Variants in HSD17B12 observed in about 807,000 individuals in gnomAD.
HSD17B12 encodes hydroxysteroid 17-beta dehydrogenase 12.
In HSD17B12, 32 loss-of-function variants were observed where a neutral mutation model predicts 39.3. The observed-to-expected ratio is 0.81, with a 90% CI of 0.61 to 1.09. The LOEUF (loss-of-function observed/expected upper bound fraction) is 1.09. HSD17B12 is among the 50% of genes least tolerant of loss of function. The pLI, the probability that HSD17B12 is intolerant of heterozygous loss-of-function variation, is 0.00. For synonymous variants in HSD17B12, 150 were observed against 146.7 expected, an observed-to-expected ratio of 1.02 and a Z score of -0.16; for missense variants, 342 against 382.9, an observed-to-expected ratio of 0.89 and a Z score of 0.89.
chr11:43,842,498 C>T (rs1016679053), intron 9 of HSD17B12, among the ~76,000 whole-genome samples: 2 of 152,174 alleles, frequency 1.3e-5, no homozygotes, highest in Admixed American at 6.5e-5. Context: ...TTCTAGAATC[C>T]TGGATTTTAT....
At chr11:43,615,873 G>A in the HSD17B12 span, among the ~76,000 whole-genome samples, 154 of 152,310 alleles carry the variant, frequency 1.0e-3, no homozygotes, top group Non-Finnish European at 1.9e-3. Context: ...CTGAAAAGGG[G>A]TGTGAAGTTA....
chr11:43,714,206 T>G (rs1169951095), intron 1 of HSD17B12, among the ~76,000 whole-genome samples: 1 of 152,244 alleles, frequency 6.6e-6, no homozygotes, highest in Admixed American at 6.5e-5. Flanking sequence ...CCCATGCCTA[T>G]GTCCTGAATG....
chr11:43,699,289 G>C (rs1949940986), intron 1 of HSD17B12, among the ~76,000 whole-genome samples: 1 of 152,052 alleles, frequency 6.6e-6, no homozygotes, highest in Non-Finnish European at 1.5e-5. Context: ...GATATTTAGA[G>C]TTCTTTTTCT....
At chr11:43,854,287 A>G (rs551531214) in intron 9 of HSD17B12, 1 of 155,386 alleles carries the variant, frequency 6.4e-6, no homozygotes, top group Admixed American at 6.4e-5. Flanking sequence ...AAGCTTAATT[A>G]GCCATAAATT....
intron 1 of HSD17B12, among the ~76,000 whole-genome samples, chr11:43,746,623 A>G (rs1209936041): frequency 6.6e-6 from 1 of 152,230 alleles, no homozygotes; most frequent in Non-Finnish European, 1.5e-5. Flanking sequence ...AAGCAGAAGG[A>G]GTATACTCTA....
rs922457434 is a variant in HSD17B12 at position 43,826,568 on chromosome 11, G to T, written c.502-4408G>T. ...TTGAATGATATAGGATTGAATTTAA[G>T]GTTAAGTAATATGGAGCTGGGAAAA... is the stretch of plus-strand genomic sequence containing the variant. On this transcript the variant is annotated intron_variant, in intron 6 of 10. Transcript: ENST00000278353. 4.6e-5 allele frequency among the ~76,000 whole-genome samples: 7 copies of T among 152,158 alleles called. No individual in the cohort carries two copies. The East Asian group carries it at 1.3e-3, about 29-fold the overall frequency.
At chr11:43,661,439 G>A in the HSD17B12 span, among the ~76,000 whole-genome samples, 1 of 152,158 alleles carries the variant, frequency 6.6e-6, no homozygotes, top group African/African-American at 2.4e-5. Context: ...GACTAAGAAA[G>A]TCCTTGATAA....
At chr11:43,598,340 A>T in the HSD17B12 span, among the ~76,000 whole-genome samples, 1 of 151,884 alleles carries the variant, frequency 6.6e-6, no homozygotes, top group East Asian at 1.9e-4. Flanking sequence ...CTCTCTGAAA[A>T]GAGCTGATTT....
chr11:43,718,473 A>T (rs1950146196), intron 1 of HSD17B12, among the ~76,000 whole-genome samples: 1 of 152,188 alleles, frequency 6.6e-6, no homozygotes, highest in Non-Finnish European at 1.5e-5. Flanking sequence ...ATGAAAATAT[A>T]AGTTACCTGC....
chr11:43,716,909 C>T (rs1590688285), intron 1 of HSD17B12, among the ~76,000 whole-genome samples: 1 of 151,688 alleles, frequency 6.6e-6, no homozygotes, highest in Non-Finnish European at 1.5e-5. Context: ...TGTGAAGGTG[C>T]TAGTGTTCTA....
At chr11:43,619,781 A>C in the HSD17B12 span, among the ~76,000 whole-genome samples, 2 of 152,198 alleles carry the variant, frequency 1.3e-5, no homozygotes, top group African/African-American at 2.4e-5. Flanking sequence ...TTGAGACCTT[A>C]CTGCATCTCA....
chr11:43,715,669 T>A (rs955853645), intron 1 of HSD17B12, among the ~76,000 whole-genome samples: 5 of 152,214 alleles, frequency 3.3e-5, no homozygotes, highest in Admixed American at 6.5e-5. Context: ...TTCCTCTTTT[T>A]CTATTGATTG....
At chr11:43,774,459 C>T (rs1950679672) in intron 3 of HSD17B12, among the ~76,000 whole-genome samples, 1 of 152,044 alleles carries the variant, frequency 6.6e-6, no homozygotes. Flanking sequence ...ATGATCTGCC[C>T]CCCACGGCCT....
chr11:43,816,320 T>C lies in HSD17B12; in HGVS notation c.457-27T>C. The C allele has an allele frequency of 4.1e-6, 6 of 1,449,026 alleles. No homozygotes were observed. The South Asian group carries it at 7.7e-5, about 19-fold the overall frequency. The allele number at this position is 1,449,026 out of a possible 1,614,324, so 89.8% of individuals were successfully genotyped here. A position where few individuals can be genotyped will look rare whatever the true frequency, so the allele number is the denominator to read the frequency against. ...AGGGTCACTTTCATGATCAAGTGTA[T>C]ATAAAATTCTCAATATTTTTTTGCA... On this transcript the variant is annotated intron_variant, in intron 5 of 10. Transcript: ENST00000278353.
intron 3 of HSD17B12, among the ~76,000 whole-genome samples, chr11:43,756,083 T>C (rs1031488712): frequency 7.2e-5 from 11 of 152,176 alleles, no homozygotes; most frequent in African/African-American, 1.7e-4. Flanking sequence ...CATGGTTCAA[T>C]TGTCTCTTAC....
Position 43,727,916 on chromosome 11 carries a change from T to G in HSD17B12, c.161-22995T>G, listed in dbSNP as rs189142437. 1.8e-3 allele frequency among the ~76,000 whole-genome samples: 281 copies of G among 152,244 alleles called. 6 individuals carry two copies. Among genetic ancestry groups the G allele is most frequent in the Non-Finnish European group, 2.5e-4 (17 of 68,014 alleles). ...GAGATGGTAGAGTAGGTTTGGTGCTTTTTTGTTTGTTTCATTTCTGGAAAA... is the reference window on the plus strand; with the variant it reads ...GAGATGGTAGAGTAGGTTTGGTGCTGTTTTGTTTGTTTCATTTCTGGAAAA... On this transcript the variant is annotated intron_variant, in intron 1 of 10. Transcript: ENST00000278353.
chr11:43,622,517 T>C, the HSD17B12 span, among the ~76,000 whole-genome samples: 1 of 152,066 alleles, frequency 6.6e-6, no homozygotes. Flanking sequence ...ATTTTATCAG[T>C]CAGAGTATTG....
the HSD17B12 span, among the ~76,000 whole-genome samples, chr11:43,571,827 G>A: frequency 1.1e-3 from 171 of 152,270 alleles, 1 homozygote; most frequent in Middle Eastern, 0.024. Flanking sequence ...TTCCAAGACC[G>A]AATATACTTC....
intron 6 of HSD17B12, among the ~76,000 whole-genome samples, chr11:43,820,921 G>A (rs981692854): frequency 6.6e-6 from 1 of 152,160 alleles, no homozygotes; most frequent in Non-Finnish European, 1.5e-5. Flanking sequence ...TTATGTTCTG[G>A]ATCAGTAGGT....
Sources: allele counts gnomAD v4.1 joint callset (sites outside exome capture counted in the v4.1 genomes callset), GRCh38; gene constraint gnomAD v4.1.1; transcripts MANE v1.5; gene names NCBI Gene and HGNC (gene_info 2026-07-23, HGNC 2026-07-21).